The following ELAPOR2 variants were observed in gnomAD, a reference collection of about 807,000 sequenced individuals.
ELAPOR2 encodes endosome/lysosome-associated apoptosis and autophagy regulator family member 2.
ELAPOR2 carries 89 observed loss-of-function variants against 120.7 expected under a neutral mutation model. That is an observed-to-expected ratio of 0.74 (90% CI 0.62 to 0.88). ELAPOR2 has a LOEUF of 0.88. ELAPOR2 is among the 40% of genes least tolerant of loss of function. The pLI is 0.00. For missense variants in ELAPOR2, 1,134 were observed against 1,251.6 expected (o/e 0.91, Z 1.42); for synonymous variants, 444 against 444.9 (o/e 1.00, Z 0.03).
intron 2 of ELAPOR2, among the ~76,000 whole-genome samples, chr7:86,958,871 T>G (rs913996574): frequency 1.3e-4 from 20 of 152,200 alleles, no homozygotes; most frequent in Non-Finnish European, 2.5e-4. Context: ...TTCTAGAGAT[T>G]CTTGAGGTTT....
At chr7:86,976,878 A>G (rs2116533642) in intron 1 of ELAPOR2, among the ~76,000 whole-genome samples, 1 of 152,342 alleles carries the variant, frequency 6.6e-6, no homozygotes, top group South Asian at 2.1e-4. Flanking sequence ...ATTCTCTAAA[A>G]AATGTAAAGC....
intron 1 of ELAPOR2, among the ~76,000 whole-genome samples, chr7:86,988,211 G>T (rs1051357098): frequency 6.6e-6 from 1 of 152,138 alleles, no homozygotes; most frequent in Non-Finnish European, 1.5e-5. Context: ...GTCAGGTGTG[G>T]GGGGAGGGAT....
chr7:86,914,501 G>T (rs61082072), intron 13 of ELAPOR2, among the ~76,000 whole-genome samples: 17,023 of 152,042 alleles, frequency 0.11, 992 homozygotes, highest in African/African-American at 0.13. Context: ...TCAGAGTGAA[G>T]AACAATTCAA....
intron 18 of ELAPOR2, among the ~76,000 whole-genome samples, chr7:86,905,105 A>G (rs1053748310): frequency 1.3e-5 from 2 of 149,122 alleles, no homozygotes; most frequent in Non-Finnish European, 3.0e-5. Flanking sequence ...GAAGGAAGGA[A>G]GGAAGGAAGG....
intron 10 of ELAPOR2, among the ~76,000 whole-genome samples, chr7:86,922,824 T>A (rs950542308): frequency 4.6e-5 from 7 of 151,882 alleles, no homozygotes; most frequent in African/African-American, 1.7e-4. Context: ...TATTCAATAT[T>A]TTTCTAAAAA....
Position 86,925,579 on chromosome 7 carries a change from T to G in ELAPOR2, c.1348A>C (p.Met450Leu). 1 of 1,612,204 alleles carries G rather than the reference T, an allele frequency of 6.2e-7. No homozygotes were observed. Among genetic ancestry groups the G allele is most frequent in the South Asian group, 1.1e-5 (1 of 91,050 alleles). Residue 450 changes from methionine (M) to leucine (L), a missense_variant, in exon 10 of 22, where the codon ATG becomes CTG. Physicochemically the swap from Met to Leu is conservative, Grantham distance 15 (BLOSUM62 2). Coordinates refer to ENST00000450689, the MANE Select transcript of ELAPOR2 (RefSeq NM_001142749.3). Reference protein sequence around the residue: ...YKWWNVLPGNMKTSCFNVGNS... With the variant: ...YKWWNVLPGNLKTSCFNVGNS... Reference sequence around the variant, plus strand: ...CCAACATTGAAGCAGGAAGTTTTCATGTTGCCAGGAAGGACATTCCACCAT... The same window carrying G: ...CCAACATTGAAGCAGGAAGTTTTCAGGTTGCCAGGAAGGACATTCCACCAT...
chr7:86,946,668 T>C (rs985954586), intron 3 of ELAPOR2, among the ~76,000 whole-genome samples: 1 of 152,220 alleles, frequency 6.6e-6, no homozygotes, highest in African/African-American at 2.4e-5. Context: ...ATTACAGGCA[T>C]GAGCCACCGC....
chr7:86,973,509 G>A (rs1323918778), intron 1 of ELAPOR2, among the ~76,000 whole-genome samples: 1 of 152,022 alleles, frequency 6.6e-6, no homozygotes, highest in African/African-American at 2.4e-5. Flanking sequence ...CCAAGGCCAG[G>A]AGCATAAATC....
At chr7:87,002,176 G>T (rs1793338388) in intron 1 of ELAPOR2, among the ~76,000 whole-genome samples, 1 of 152,154 alleles carries the variant, frequency 6.6e-6, no homozygotes, top group South Asian at 2.1e-4. Context: ...GCCACCTTCA[G>T]TTTAAATTAT....
At chr7:86,942,247 G>T in intron 4 of ELAPOR2, 143 bp from the exon 5 acceptor site, 2 of 521,726 alleles carry the variant, frequency 3.8e-6, no homozygotes, top group Non-Finnish European at 7.0e-6. Context: ...TAAACATACC[G>T]AGACCTCTGG....
At chr7:86,926,596 A>T (rs1304761002) in intron 9 of ELAPOR2, 140 bp downstream of exon 9, 1 of 719,766 alleles carries the variant, frequency 1.4e-6, no homozygotes, top group African/African-American at 1.8e-5. Context: ...AAAATATTAC[A>T]GTTGACTGCA....
intron 1 of ELAPOR2, among the ~76,000 whole-genome samples, chr7:87,010,762 C>A (rs2116662941): frequency 6.6e-6 from 1 of 152,110 alleles, no homozygotes; most frequent in East Asian, 1.9e-4. Context: ...AAAATCCTTA[C>A]ATGTTCAGGA....
chr7:87,034,705 G>A (rs1026714971), intron 1 of ELAPOR2, among the ~76,000 whole-genome samples: 7 of 152,008 alleles, frequency 4.6e-5, no homozygotes, highest in Admixed American at 1.3e-4. Flanking sequence ...TGCTCTTAAC[G>A]TTAGGAGGTA....
intron 18 of ELAPOR2, among the ~76,000 whole-genome samples, chr7:86,902,764 G>A (rs2115968428): frequency 6.6e-6 from 1 of 152,196 alleles, no homozygotes; most frequent in South Asian, 2.1e-4. Flanking sequence ...TGGCAACCTA[G>A]GATTCAGTCT....
chr7:86,919,566 A>T, intron 10 of ELAPOR2: 1 of 296,058 alleles, frequency 3.4e-6, no homozygotes, highest in African/African-American at 2.2e-5. Flanking sequence ...ATGAAGCATG[A>T]TTTGTATTTT....
chr7:87,058,236 G>A (rs956494486), intron 1 of ELAPOR2, among the ~76,000 whole-genome samples: 2 of 152,054 alleles, frequency 1.3e-5, no homozygotes, highest in South Asian at 2.1e-4. Context: ...TTCAAGTCTC[G>A]GTAAAATTCA....
intron 8 of ELAPOR2, among the ~76,000 whole-genome samples, chr7:86,935,672 G>T (rs751868967): frequency 1.6e-4 from 24 of 151,526 alleles, no homozygotes; most frequent in Admixed American, 4.6e-4. Context: ...GGGCCTTCCA[G>T]GTGAGACTGA....
intron 1 of ELAPOR2, among the ~76,000 whole-genome samples, chr7:87,036,067 C>T (rs1243639378): frequency 6.6e-6 from 1 of 152,212 alleles, no homozygotes; most frequent in African/African-American, 2.4e-5. Context: ...AGTTTAGCAT[C>T]ACATACATTA....
intron 18 of ELAPOR2, among the ~76,000 whole-genome samples, chr7:86,906,839 G>A (rs1789044221): frequency 6.6e-6 from 1 of 151,650 alleles, no homozygotes; most frequent in Non-Finnish European, 1.5e-5. Context: ...GACCAGCTTG[G>A]GCAATGTAGG....
Sources: allele counts gnomAD v4.1 joint callset (sites outside exome capture counted in the v4.1 genomes callset), GRCh38; gene constraint gnomAD v4.1.1; transcripts MANE v1.5; gene names NCBI Gene and HGNC (gene_info 2026-07-23, HGNC 2026-07-21).